REG1A: variants seen among roughly 807,000 people sequenced by gnomAD.
REG1A encodes regenerating family member 1 alpha.
REG1A carries 20 observed loss-of-function variants against 20.7 expected under a neutral mutation model. The observed-to-expected ratio is 0.97, with a 90% confidence interval of 0.68 to 1.41. The LOEUF (loss-of-function observed/expected upper bound fraction) is 1.41. Ranked by LOEUF, REG1A falls within the 40% of genes most tolerant of loss-of-function variation. The pLI is 0.00. For synonymous variants in REG1A, 90 were observed against 71.6 expected (o/e 1.26, Z -1.30); for missense variants, 193 against 201.8 (o/e 0.96, Z 0.26).
intron 3 of REG1A, 87 bp from the exon 4 acceptor site, chr2:79,121,901 C>A: frequency 3.2e-6 from 5 of 1,555,016 alleles, no homozygotes; most frequent in Non-Finnish European, 3.5e-6. Flanking sequence ...ACTCTGCTGT[C>A]CTTTTTCTGA....
At position 79,122,118 on chromosome 2, in the gene REG1A, C is replaced by T; in HGVS notation, c.314C>T (p.Pro105Leu). Residue 105 changes from proline to leucine, a missense_variant, in exon 4 of 6, where the codon CCC (proline) becomes CTC (leucine). Physicochemically the swap from Pro to Leu is moderately conservative, Grantham distance 98. Transcript: ENST00000233735. ...DFNVWIGLHD[P>L]KKNRRWHWSS... is the part of the protein sequence containing the mutation. ...AATGTCTGGATTGGCCTCCATGACC[C>T]CAAAAAGGTAGGCTGCAGCCTTCTT... is the stretch of plus-strand genomic sequence containing the variant. 1 of 1,613,140 alleles carries T rather than the reference C, an allele frequency of 6.2e-7. No homozygotes were observed.
chr2:79,122,596 A>G (rs569808262), intron 4 of REG1A, among the ~76,000 whole-genome samples: 7 of 152,304 alleles, frequency 4.6e-5, no homozygotes, highest in African/African-American at 1.7e-4. Context: ...ATCAGGAACC[A>G]CTTTTTAAGT....
rs139872090 is a variant in REG1A at position 79,123,359 on chromosome 2, C to T, written c.*144C>T. On this transcript the variant is annotated 3_prime_UTR_variant, in exon 6 of 6. Transcript: ENST00000233735. The stretch of plus-strand genomic sequence containing the variant: ...CCTTGTTAATCTTCAATAGTTTTAC[C>T]TACCCCAGTCTTTGGAACCCTAAAT... 1.2e-4 allele frequency: 70 copies of T among 564,442 alleles called. No homozygotes were observed. The African/African-American group carries it at 1.3e-3, about 10-fold the overall frequency. The allele number at this position is 564,442 out of a possible 1,614,324, so 35.0% of individuals were successfully genotyped here. A position where few individuals can be genotyped will look rare whatever the true frequency, so the allele number is the denominator to read the frequency against.
At position 79,120,576 on chromosome 2, in the gene REG1A, G is replaced by T. The variant is rs74903273; in HGVS notation, c.-47+62G>T. On this transcript the variant is annotated intron_variant, in intron 1 of 5. Coordinates refer to ENST00000233735, the MANE Select transcript of REG1A (RefSeq NM_002909.5). Reference sequence around the variant, plus strand: ...TGCACTGTAGATCTAAAATCTTCGGGAAGATACAGCATGAGTTTCTGTCCA... The same window carrying T: ...TGCACTGTAGATCTAAAATCTTCGGTAAGATACAGCATGAGTTTCTGTCCA... The T allele has an allele frequency of 1.5e-5, 5 of 338,082 alleles. No individual in the cohort carries two copies. In the Admixed American group the frequency reaches 2.4e-4, roughly 16 times the overall value. The allele number at this position is 338,082 out of a possible 1,614,324, so 20.9% of individuals were successfully genotyped here. A position where few individuals can be genotyped will look rare whatever the true frequency, so the allele number is the denominator to read the frequency against.
rs11557481 is a variant in REG1A, at chr2:79,121,571, C to T, written c.74C>T (p.Ala25Val). The T allele has an allele frequency of 1.2e-6, 2 of 1,613,888 alleles. No individual in the cohort carries two copies. The highest frequency in any genetic ancestry group is 8.5e-7 in the Non-Finnish European group (1 of 1,179,792). ...MFLSQSQGQE[A>V]QTELPQARIS... ...GTCTCTTCTTTTTCAGGCCAAGAGG[C>T]CCAGACAGAGTTGCCCCAGGCCCGG... Residue 25 changes from alanine to valine, a missense_variant, in exon 3 of 6, where the codon GCC becomes GTC. Transcript: ENST00000233735.
chr2:79,122,921 TG>T lies in REG1A; in HGVS notation c.404del (p.Gly135AlafsTer4). The T allele has an allele frequency of 6.2e-7, 1 of 1,614,086 alleles. No homozygotes were observed. Among genetic ancestry groups the T allele is most frequent in the Non-Finnish European group, 8.5e-7 (1 of 1,179,978 alleles). ...TTGGAGCCCCAAGCAGTGTTAATCC[TG>T]GCTACTGTGTGAGCCTGACCTCAAG... ...GIGAPSSVNP[G>X]YCVSLTSSTG... is the part of the protein sequence containing the mutation. On this transcript the variant is annotated frameshift_variant, in exon 5 of 6. Coordinates refer to ENST00000233735, the MANE Select transcript of REG1A (RefSeq NM_002909.5). LOFTEE classifies it low-confidence loss of function (END_TRUNC).
In REG1A at chr2:79,122,010, C is replaced by T. The variant is rs200969301; in HGVS notation, c.206C>T (p.Ser69Leu). ...CAGCTCTATTGCCAGAACATGAATT[C>T]GGGCAACCTGGTGTCTGTGCTCACC... ...DADLYCQNMN[S>L]GNLVSVLTQA... is the part of the protein sequence containing the mutation. Residue 69 changes from serine to leucine, a missense_variant, in exon 4 of 6, where the codon TCG (serine) becomes TTG (leucine). By Grantham distance (145) the Ser-to-Leu change is moderately radical (BLOSUM62 -2). Coordinates refer to ENST00000233735, the MANE Select transcript of REG1A (RefSeq NM_002909.5). 36 of 1,613,952 alleles carry T rather than the reference C, an allele frequency of 2.2e-5. No homozygotes were observed. Among genetic ancestry groups the T allele is most frequent in the Admixed American group, 1.2e-4 (7 of 60,002 alleles).
At chr2:79,123,048 A>G (rs1299747527) in intron 5 of REG1A, 96 bp downstream of exon 5, 8 of 1,432,990 alleles carry the variant, frequency 5.6e-6, no homozygotes, top group Non-Finnish European at 7.8e-6. Context: ...TGAACTCCTC[A>G]TTAAGGAAAT....
rs752473381 is a variant in REG1A, at chr2:79,121,700, T to G, written c.183+20T>G. ...GCAGATGTGAGTGAGGAGAGCAGTG[T>G]GGGAAGGGAGACTCATGAAGGGAGG... On this transcript the variant is annotated intron_variant, in intron 3 of 5. Coordinates refer to ENST00000233735, the MANE Select transcript of REG1A (RefSeq NM_002909.5). The G allele has an allele frequency of 9.8e-5, 158 of 1,607,320 alleles. No individual in the cohort carries two copies. Among genetic ancestry groups the G allele is most frequent in the Non-Finnish European group, 1.3e-4 (153 of 1,174,068 alleles).
At position 79,122,830 on chromosome 2, in the gene REG1A, T is replaced by C; in HGVS notation, c.322-11T>C. ...TGACCACTGCCTCTGTTCTGGCCCT[T>C]CCCCATCTAGAACCGCCGCTGGCAC... On this transcript the variant is annotated splice_polypyrimidine_tract_variant and intron_variant, in intron 4 of 5. Coordinates refer to ENST00000233735, the MANE Select transcript of REG1A (RefSeq NM_002909.5). 1 of 1,607,458 alleles carries C rather than the reference T, an allele frequency of 6.2e-7. No individual in the cohort carries two copies. Among genetic ancestry groups the C allele is most frequent in the Non-Finnish European group, 8.5e-7 (1 of 1,175,206 alleles).
chr2:79,123,143 T>C lies in REG1A; in HGVS notation c.434-5T>C, dbSNP rs201787570. 18 of 1,611,222 alleles carry C rather than the reference T, an allele frequency of 1.1e-5. No individual in the cohort carries two copies. Among genetic ancestry groups the C allele is most frequent in the Admixed American group, 6.7e-5 (4 of 59,760 alleles). On this transcript the variant is annotated splice_region_variant and splice_polypyrimidine_tract_variant and intron_variant, in intron 5 of 5. Coordinates refer to ENST00000233735, the MANE Select transcript of REG1A (RefSeq NM_002909.5). ...CCAGTTGTAACTCTTCTCATTGACT[T>C]ATAGGATTCCAGAAATGGAAGGATG...
At chr2:79,120,753 A>G (rs1672870651) in intron 1 of REG1A, 63 bp from the exon 2 acceptor site, 1 of 746,192 alleles carries the variant, frequency 1.3e-6, no homozygotes, top group Non-Finnish European at 2.0e-6. Context: ...GGAGGTTTTA[A>G]GGAAGGTAAT....
At chr2:79,122,259 G>A (rs1672898772) in intron 4 of REG1A, 134 bp downstream of exon 4, 22 of 858,278 alleles carry the variant, frequency 2.6e-5, no homozygotes, top group Admixed American at 1.1e-4. Flanking sequence ...CTAATGTCCT[G>A]TGTAGCAAGG....
intron 5 of REG1A, 67 bp downstream of exon 5, chr2:79,123,019 G>C: frequency 6.7e-7 from 1 of 1,486,716 alleles, no homozygotes; most frequent in South Asian, 1.1e-5. Flanking sequence ...ATGGAACTGG[G>C]ACTGGGATAG....
At chr2:79,121,215 G>A (rs1237299897) in intron 2 of REG1A, among the ~76,000 whole-genome samples, 1 of 152,190 alleles carries the variant, frequency 6.6e-6, no homozygotes, top group Non-Finnish European at 1.5e-5. Context: ...ATGTCTGTGT[G>A]TAGACAGTCA....
In REG1A at chr2:79,121,694, G is replaced by A. The variant is rs1482022658; in HGVS notation, c.183+14G>A. On this transcript the variant is annotated intron_variant, in intron 3 of 5. Coordinates refer to ENST00000233735, the MANE Select transcript of REG1A (RefSeq NM_002909.5). ...GTTGATGCAGATGTGAGTGAGGAGA[G>A]CAGTGTGGGAAGGGAGACTCATGAA... 1 of 1,609,990 alleles carries A rather than the reference G, an allele frequency of 6.2e-7. No homozygotes were observed. The highest frequency in any genetic ancestry group is 2.2e-5 in the East Asian group (1 of 44,852).
chr2:79,122,256 C>A, intron 4 of REG1A, 131 bp downstream of exon 4: 1 of 931,584 alleles, frequency 1.1e-6, no homozygotes, highest in East Asian at 2.5e-5. Flanking sequence ...CCTCTAATGT[C>A]CTGTGTAGCA....
At position 79,120,795 on chromosome 2, in the gene REG1A, CT is replaced by C. The variant is rs768393683; in HGVS notation, c.-46-19del. The C allele has an allele frequency of 4.2e-4, 540 of 1,283,924 alleles. 2 individuals are homozygous for C. The highest frequency in any genetic ancestry group is 5.1e-4 in the Non-Finnish European group (468 of 921,414). 79.5% of individuals were successfully genotyped at this position (1,283,924 alleles called of 1,614,324 possible). A position where few individuals can be genotyped will look rare whatever the true frequency, so the allele number is the denominator to read the frequency against. On this transcript the variant is annotated intron_variant, in intron 1 of 5. Coordinates refer to ENST00000233735, the MANE Select transcript of REG1A (RefSeq NM_002909.5). ...TTTGCTCTCCATCTCTCAGAACCCC[CT>C]TCTCTGTGTTCTCCTATAGAGATTG... is the stretch of plus-strand genomic sequence containing the variant.
rs200561351 is a variant in REG1A at position 79,122,580 on chromosome 2, CA to C, written c.322-255del. 5.7e-3 allele frequency among the ~76,000 whole-genome samples: 862 copies of C among 151,802 alleles called. 8 individuals carry two copies. Among genetic ancestry groups the C allele is most frequent in the Middle Eastern group, 0.017 (5 of 292 alleles). On this transcript the variant is annotated intron_variant, in intron 4 of 5. Transcript: ENST00000233735. ...ATATGAGGGTCCTGGGCCACAAAGA[CA>C]AAAAATCAGGAACCACTTTTTAAGT...
Sources: gnomAD v4.1 joint callset for allele counts (sites outside exome capture counted in the v4.1 genomes callset) on GRCh38, gnomAD v4.1.1 for gene constraint, MANE v1.5 for transcripts, NCBI Gene and HGNC (gene_info 2026-07-23, HGNC 2026-07-21) for gene names.